Variants in FAF1 observed in about 807,000 individuals in gnomAD.
FAF1 encodes Fas associated factor 1.
Under a neutral mutation model 92.5 loss-of-function variants are expected in FAF1, and 25 were observed. The observed-to-expected ratio is 0.27, with a 90% CI of 0.20 to 0.38. FAF1 has a LOEUF of 0.38. Among genes scored for constraint, FAF1 ranks in the 10% least tolerant of loss-of-function variants. The pLI is 1.00. For missense variants in FAF1, 636 were observed against 793.3 expected (o/e 0.80, Z 2.38); for synonymous variants, 234 against 273.2 (o/e 0.86, Z 1.42).
At chr1:50,832,805 T>C (rs1459994816) in intron 2 of FAF1, among the ~76,000 whole-genome samples, 3 of 152,180 alleles carry the variant, frequency 2.0e-5, no homozygotes, top group Non-Finnish European at 4.4e-5. Context: ...AATCTGAAAA[T>C]AACTATGTCT....
At chr1:50,665,226 AAC>A (rs2124323739) in intron 7 of FAF1, among the ~76,000 whole-genome samples, 1 of 152,372 alleles carries the variant, frequency 6.6e-6, no homozygotes, top group African/African-American at 2.4e-5. Context: ...AATTTTATAT[AAC>A]ACTTTAAAGA....
intron 1 of FAF1, among the ~76,000 whole-genome samples, chr1:50,955,915 A>G (rs959993186): frequency 2.6e-5 from 4 of 152,230 alleles, no homozygotes; most frequent in Non-Finnish European, 5.9e-5. Context: ...TGTTCCACTT[A>G]TATGAGGTAC....
intron 3 of FAF1, among the ~76,000 whole-genome samples, chr1:50,798,764 A>G (rs756399872): frequency 2.0e-4 from 30 of 152,220 alleles, no homozygotes; most frequent in Non-Finnish European, 3.8e-4. Context: ...GAAGAATAAT[A>G]TCTGCCTTTA....
intron 1 of FAF1, among the ~76,000 whole-genome samples, chr1:50,905,939 A>G (rs1402353752): frequency 6.6e-6 from 1 of 152,128 alleles, no homozygotes; most frequent in Non-Finnish European, 1.5e-5. Context: ...TGTTTTAGTC[A>G]TGAAGTCCTT....
intron 13 of FAF1, among the ~76,000 whole-genome samples, chr1:50,556,936 T>C (rs1052748989): frequency 6.6e-6 from 1 of 152,170 alleles, no homozygotes; most frequent in Non-Finnish European, 1.5e-5. Flanking sequence ...CACATTTTAA[T>C]GTGTACAAGT....
chr1:50,505,833 A>T (rs921992185), intron 15 of FAF1, among the ~76,000 whole-genome samples: 2 of 152,196 alleles, frequency 1.3e-5, no homozygotes, highest in Non-Finnish European at 2.9e-5. Flanking sequence ...AGCCTTCTAA[A>T]CTTTCAACTT....
At chr1:50,524,078 A>T (rs1464555139) in intron 15 of FAF1, among the ~76,000 whole-genome samples, 2 of 152,058 alleles carry the variant, frequency 1.3e-5, no homozygotes, top group Non-Finnish European at 2.9e-5. Context: ...ACTTTTTAAT[A>T]ATAGCCCTTC....
At chr1:50,446,894 A>C (rs186454354) in intron 18 of FAF1, among the ~76,000 whole-genome samples, 1 of 152,050 alleles carries the variant, frequency 6.6e-6, no homozygotes, top group Non-Finnish European at 1.5e-5. Context: ...TAGATTAGGA[A>C]ACAAGACCCA....
At chr1:50,523,037 T>C (rs998452438) in intron 15 of FAF1, among the ~76,000 whole-genome samples, 16 of 152,226 alleles carry the variant, frequency 1.1e-4, no homozygotes, top group Non-Finnish European at 2.4e-4. Context: ...CTTCTGTGTC[T>C]AGCTTATTTT....
chr1:50,768,595 C>A (rs1298573829), intron 4 of FAF1, among the ~76,000 whole-genome samples: 2 of 151,690 alleles, frequency 1.3e-5, no homozygotes, highest in Non-Finnish European at 2.9e-5. Flanking sequence ...CACTACTGAA[C>A]CAGTGCAATA....
chr1:50,947,614 G>A (rs1645181008), intron 1 of FAF1, among the ~76,000 whole-genome samples: 1 of 152,198 alleles, frequency 6.6e-6, no homozygotes, highest in Non-Finnish European at 1.5e-5. Context: ...CAGGAAGAGT[G>A]AATAAAACAG....
intron 1 of FAF1, among the ~76,000 whole-genome samples, chr1:50,861,751 C>A (rs575914080): frequency 4.6e-5 from 7 of 151,606 alleles, no homozygotes; most frequent in African/African-American, 1.7e-4. Flanking sequence ...AGAAGAGATA[C>A]CAAAGAATTT....
At chr1:50,591,162 T>TTA (rs1269239605) in intron 9 of FAF1, among the ~76,000 whole-genome samples, 1 of 152,212 alleles carries the variant, frequency 6.6e-6, no homozygotes, top group African/African-American at 2.4e-5. Context: ...GTGTTGAATG[T>TTA]TACCAAATGC....
At chr1:50,773,970 C>G (rs1355379037) in intron 4 of FAF1, among the ~76,000 whole-genome samples, 1 of 152,122 alleles carries the variant, frequency 6.6e-6, no homozygotes, top group Non-Finnish European at 1.5e-5. Flanking sequence ...ATTTAAAAAT[C>G]TGAAGCTGAA....
intron 4 of FAF1, among the ~76,000 whole-genome samples, chr1:50,747,489 A>T (rs916034657): frequency 6.6e-6 from 1 of 152,210 alleles, no homozygotes; most frequent in African/African-American, 2.4e-5. Flanking sequence ...TATTTACTCA[A>T]TGCCTATACC....
chr1:50,828,605 T>C (rs1182641491), intron 2 of FAF1, among the ~76,000 whole-genome samples: 1 of 152,166 alleles, frequency 6.6e-6, no homozygotes, highest in East Asian at 1.9e-4. Context: ...GTTAAATGGA[T>C]ACCCCATGAG....
At chr1:50,714,851 A>G (rs2124442401) in intron 6 of FAF1, among the ~76,000 whole-genome samples, 1 of 152,348 alleles carries the variant, frequency 6.6e-6, no homozygotes, top group African/African-American at 2.4e-5. Context: ...GCAGACAGAC[A>G]CAGCTTGATT....
intron 1 of FAF1, among the ~76,000 whole-genome samples, chr1:50,928,383 A>T (rs997519429): frequency 2.8e-4 from 43 of 152,254 alleles, no homozygotes; most frequent in African/African-American, 9.6e-4. Context: ...GATTTATTCT[A>T]CATGTCAAAG....
chr1:50,474,285 T>A (rs1247620408), intron 18 of FAF1, among the ~76,000 whole-genome samples: 2 of 152,190 alleles, frequency 1.3e-5, no homozygotes, highest in Non-Finnish European at 2.9e-5. Context: ...AGAGGTAATG[T>A]TCCTTAAATG....
Sources: allele counts gnomAD v4.1 joint callset (sites outside exome capture counted in the v4.1 genomes callset), GRCh38; gene constraint gnomAD v4.1.1; transcripts MANE v1.5; gene names NCBI Gene and HGNC (gene_info 2026-07-23, HGNC 2026-07-21).